DNM3: variants seen among roughly 807,000 people sequenced by gnomAD.
DNM3 encodes dynamin 3, also known as dynamin-3.
In DNM3, 47 loss-of-function variants were observed where a neutral mutation model predicts 101.6. The ratio of observed to expected loss-of-function variants is 0.46; its 90% confidence interval spans 0.37 to 0.59. DNM3 has a LOEUF of 0.59. Ranked by LOEUF, DNM3 falls within the 20% of genes least tolerant of loss-of-function variation. The pLI is 0.00. For synonymous variants in DNM3, 385 were observed against 387.9 expected (o/e 0.99, Z 0.09); for missense variants, 849 against 1,085.7 (o/e 0.78, Z 3.06).
intron 15 of DNM3, among the ~76,000 whole-genome samples, chr1:172,300,828 G>C (rs149531188): frequency 2.0e-5 from 3 of 152,332 alleles, no homozygotes; most frequent in African/African-American, 7.2e-5. Flanking sequence ...CTTTTATGTA[G>C]TAAAATGGAA....
intron 2 of DNM3, among the ~76,000 whole-genome samples, chr1:171,927,169 T>G (rs986911624): frequency 2.6e-5 from 4 of 152,228 alleles, no homozygotes; most frequent in Non-Finnish European, 5.9e-5. Flanking sequence ...ACTAAAAAAC[T>G]GTTAGAACTA....
chr1:172,135,992 C>T (rs576306053), intron 14 of DNM3, among the ~76,000 whole-genome samples: 1 of 151,896 alleles, frequency 6.6e-6, no homozygotes, highest in African/African-American at 2.4e-5. Flanking sequence ...TTCTATAGCC[C>T]AGTGTGTAAA....
intron 2 of DNM3, among the ~76,000 whole-genome samples, chr1:171,958,853 G>A (rs900208789): frequency 6.6e-6 from 1 of 152,116 alleles, no homozygotes; most frequent in Non-Finnish European, 1.5e-5. Context: ...CATAGTTTCT[G>A]CTAATGTTGC....
intron 1 of DNM3, among the ~76,000 whole-genome samples, chr1:171,905,358 A>T (rs2038733626): frequency 6.6e-6 from 1 of 152,214 alleles, no homozygotes; most frequent in Non-Finnish European, 1.5e-5. Context: ...GAGTCTAAAA[A>T]TAATTCTTGG....
intron 14 of DNM3, among the ~76,000 whole-genome samples, chr1:172,192,009 TG>T (rs1435828374): frequency 6.6e-6 from 1 of 152,196 alleles, no homozygotes; most frequent in African/African-American, 2.4e-5. Flanking sequence ...CTGATTGCTC[TG>T]GCCAGAACTT....
chr1:171,896,217 A>G (rs1392495371), intron 1 of DNM3, among the ~76,000 whole-genome samples: 1 of 152,156 alleles, frequency 6.6e-6, no homozygotes, highest in Non-Finnish European at 1.5e-5. Flanking sequence ...TGAATCTATA[A>G]ATTACCTTGG....
intron 16 of DNM3, among the ~76,000 whole-genome samples, chr1:172,314,459 G>A (rs1056905865): frequency 2.0e-5 from 3 of 152,172 alleles, no homozygotes; most frequent in African/African-American, 2.4e-5. Context: ...GAAGTGCAAG[G>A]GGTCAAGGAG....
At chr1:172,367,686 G>A (rs187325998) in intron 17 of DNM3, among the ~76,000 whole-genome samples, 166 of 151,864 alleles carry the variant, frequency 1.1e-3, no homozygotes, top group African/African-American at 3.1e-3. Flanking sequence ...ACTATATGCC[G>A]CCTACAATAA....
chr1:172,154,296 TTATA>T (rs71861177), intron 14 of DNM3, among the ~76,000 whole-genome samples: 38,832 of 151,580 alleles, frequency 0.26, 5,309 homozygotes, highest in East Asian at 0.43. Context: ...CTAGTTTACA[TTATA>T]TAATCTTTAT....
At chr1:171,974,583 C>T (rs563386362) in intron 2 of DNM3, among the ~76,000 whole-genome samples, 2 of 152,194 alleles carry the variant, frequency 1.3e-5, no homozygotes, top group South Asian at 2.1e-4. Context: ...GTTTTGGATC[C>T]GAACTTTAGT....
chr1:171,923,932 G>T (rs2040366220), intron 2 of DNM3, among the ~76,000 whole-genome samples: 1 of 152,016 alleles, frequency 6.6e-6, no homozygotes, highest in Admixed American at 6.6e-5. Context: ...TGAATGTGTG[G>T]TATTTTATTT....
rs557891752 is a variant in DNM3 at position 172,364,102 on chromosome 1, G to A, written c.1894-14916G>A. Among the ~76,000 whole-genome samples, 6 of 152,040 alleles carry A rather than the reference G, an allele frequency of 3.9e-5. No individual in the cohort carries two copies. The South Asian group carries it at 6.2e-4, about 16-fold the overall frequency. On this transcript the variant is annotated intron_variant, in intron 17 of 20. Coordinates refer to ENST00000627582, the MANE Select transcript of DNM3 (RefSeq NM_015569.5). ...TAATGGGCTCCTCCCCAAATACAGG[G>A]TAAACTTCTTAGGTGCAGAAACTGT...
At chr1:172,318,491 T>C (rs887341925) in intron 16 of DNM3, among the ~76,000 whole-genome samples, 2 of 152,184 alleles carry the variant, frequency 1.3e-5, no homozygotes, top group African/African-American at 4.8e-5. Context: ...GAAAACCCCA[T>C]TGTCTCAGCC....
intron 17 of DNM3, among the ~76,000 whole-genome samples, chr1:172,342,539 T>C (rs10797978): frequency 0.15 from 22,211 of 152,170 alleles, 2,133 homozygotes; most frequent in African/African-American, 0.27. Flanking sequence ...TTTTCATTTA[T>C]AAGTGAGAGT....
chr1:172,009,564 G>A (rs934624848), intron 4 of DNM3, among the ~76,000 whole-genome samples: 1 of 151,672 alleles, frequency 6.6e-6, no homozygotes, highest in Non-Finnish European at 1.5e-5. Flanking sequence ...CATATGTCAA[G>A]TGTTCAATAG....
At chr1:172,239,217 T>A (rs1488698617) in intron 14 of DNM3, among the ~76,000 whole-genome samples, 1 of 152,224 alleles carries the variant, frequency 6.6e-6, no homozygotes, top group Non-Finnish European at 1.5e-5. Context: ...TTGTTCATGT[T>A]CAATGTGTGT....
chr1:172,286,316 A>G lies in DNM3; in HGVS notation c.1770-22412A>G, dbSNP rs139446721. Among the ~76,000 whole-genome samples, 342 of 152,242 alleles carry G rather than the reference A, an allele frequency of 2.2e-3. 1 individual carries two copies. Among genetic ancestry groups the G allele is most frequent in the African/African-American group, 7.8e-3 (323 of 41,550 alleles). Reference sequence around the variant, plus strand: ...ATTACCATATATTCTGACCTAATAAATGAGACAGACTGAGAATAATTGTGG... The same window carrying G: ...ATTACCATATATTCTGACCTAATAAGTGAGACAGACTGAGAATAATTGTGG... On this transcript the variant is annotated intron_variant, in intron 15 of 20. Coordinates refer to ENST00000627582, the MANE Select transcript of DNM3 (RefSeq NM_015569.5).
At chr1:172,087,727 A>T (rs1193335453) in intron 12 of DNM3, among the ~76,000 whole-genome samples, 1 of 152,172 alleles carries the variant, frequency 6.6e-6, no homozygotes, top group South Asian at 2.1e-4. Context: ...GTCTTCTCTT[A>T]CTTGAGTTAC....
chr1:171,842,137 C>T (rs972452272), intron 1 of DNM3, among the ~76,000 whole-genome samples: 3 of 152,206 alleles, frequency 2.0e-5, no homozygotes, highest in Admixed American at 2.0e-4. Context: ...TCGACCCCCA[C>T]CCCCTCGGTG....
Sources: allele counts gnomAD v4.1 joint callset (sites outside exome capture counted in the v4.1 genomes callset), GRCh38; gene constraint gnomAD v4.1.1; transcripts MANE v1.5; gene names NCBI Gene and HGNC (gene_info 2026-07-23, HGNC 2026-07-21).